Variants in RGS6 observed in about 807,000 individuals in gnomAD.
The protein encoded by RGS6 is regulator of G-protein signaling 6.
A neutral mutation model predicts 78.5 loss-of-function variants in RGS6; 30 were observed. The ratio of observed to expected loss-of-function variants is 0.38; its 90% confidence interval spans 0.29 to 0.52. The LOEUF is 0.52. Ranked by LOEUF, RGS6 falls within the 20% of genes least tolerant of loss-of-function variation. RGS6 has a pLI of 0.85. For synonymous variants in RGS6, 206 were observed against 206.0 expected (o/e 1.00, Z 0.00); for missense variants, 495 against 609.7 (o/e 0.81, Z 1.98).
chr14:72,197,108 C>T (rs1287323835), intron 2 of RGS6, among the ~76,000 whole-genome samples: 1 of 152,088 alleles, frequency 6.6e-6, no homozygotes, highest in Non-Finnish European at 1.5e-5. Context: ...CTCTGTTGCC[C>T]AGGCTGGAGT....
intron 15 of RGS6, among the ~76,000 whole-genome samples, chr14:72,530,344 CAG>C (rs913182351): frequency 6.6e-6 from 1 of 152,186 alleles, no homozygotes; most frequent in Admixed American, 6.5e-5. Context: ...CACAAGGAGA[CAG>C]TGTGTCATTT....
chr14:72,573,597 T>C, the RGS6 span, among the ~76,000 whole-genome samples: 4 of 152,208 alleles, frequency 2.6e-5, no homozygotes, highest in African/African-American at 4.8e-5. Flanking sequence ...GGGGGTCAAA[T>C]TGAAGTCCAG....
the RGS6 span, among the ~76,000 whole-genome samples, chr14:72,607,033 A>G: frequency 6.6e-6 from 1 of 152,132 alleles, no homozygotes; most frequent in African/African-American, 2.4e-5. Flanking sequence ...ATCCTCAGGC[A>G]TATCCTTTAG....
the RGS6 span, among the ~76,000 whole-genome samples, chr14:72,576,070 C>T: frequency 3.9e-5 from 6 of 152,232 alleles, no homozygotes; most frequent in Admixed American, 3.9e-4. Flanking sequence ...AGTCATTAGA[C>T]CCTTCCATAG....
chr14:71,874,358 A>G, the RGS6 span, among the ~76,000 whole-genome samples: 3 of 152,004 alleles, frequency 2.0e-5, no homozygotes, highest in Non-Finnish European at 4.4e-5. Flanking sequence ...GGTCCTTCAC[A>G]TCCCTTGTAA....
In RGS6 at chr14:72,033,056, T is replaced by C. The variant is rs561392929; in HGVS notation, c.84+68181T>C. 2.0e-5 allele frequency among the ~76,000 whole-genome samples: 3 copies of C among 152,306 alleles called. No homozygotes were observed. In the South Asian group the frequency reaches 6.2e-4, roughly 32 times the overall value. ...AAATGCGTTCAATACAACTAACCAA[T>C]TAAGCACAATAGCTTAGCCTAGCCT... On this transcript the variant is annotated intron_variant, in intron 2 of 17. Coordinates refer to ENST00000553525, the MANE Select transcript of RGS6 (RefSeq NM_001204424.2).
At chr14:72,014,734 C>T (rs1036576489) in intron 2 of RGS6, among the ~76,000 whole-genome samples, 1 of 152,172 alleles carries the variant, frequency 6.6e-6, no homozygotes, top group African/African-American at 2.4e-5. Context: ...TGTTAACGTG[C>T]TGTGTTTGTT....
At chr14:71,966,230 G>T (rs1377524679) in intron 2 of RGS6, among the ~76,000 whole-genome samples, 1 of 152,074 alleles carries the variant, frequency 6.6e-6, no homozygotes, top group Non-Finnish European at 1.5e-5. Context: ...ACTTATATGG[G>T]CAATGTGGAA....
chr14:72,197,495 T>G (rs1460975189), intron 2 of RGS6, among the ~76,000 whole-genome samples: 1 of 152,128 alleles, frequency 6.6e-6, no homozygotes, highest in Non-Finnish European at 1.5e-5. Context: ...ACAAGAACAC[T>G]TGGCAAACGA....
chr14:71,986,758 CT>C (rs1341059595), intron 2 of RGS6, among the ~76,000 whole-genome samples: 1 of 152,152 alleles, frequency 6.6e-6, no homozygotes, highest in Non-Finnish European at 1.5e-5. Context: ...TCTTATAATT[CT>C]AGAAATCAGG....
At chr14:72,533,989 A>G (rs953782218) in intron 15 of RGS6, among the ~76,000 whole-genome samples, 12 of 152,266 alleles carry the variant, frequency 7.9e-5, no homozygotes, top group Non-Finnish European at 1.5e-4. Flanking sequence ...ATTGACTGCA[A>G]TTTTGAAAGA....
Position 71,990,927 on chromosome 14 carries a change from G to A in RGS6, c.84+26052G>A, listed in dbSNP as rs768457938. On this transcript the variant is annotated intron_variant, in intron 2 of 17. Transcript: ENST00000553525. ...TAGCATCCTCCACATAGTTGGCATCGGAGGCAGAACCTGAACCTGATTCTC... is the reference window on the plus strand; with the variant it reads ...TAGCATCCTCCACATAGTTGGCATCAGAGGCAGAACCTGAACCTGATTCTC... 2.5e-4 allele frequency: 112 copies of A among 444,062 alleles called. 1 individual carries two copies. Among genetic ancestry groups the A allele is most frequent in the South Asian group, 4.9e-4 (30 of 61,788 alleles). The allele number at this position is 444,062 out of a possible 1,614,324, so 27.5% of individuals were successfully genotyped here.
chr14:71,901,965 G>A, the RGS6 span, among the ~76,000 whole-genome samples: 2 of 152,166 alleles, frequency 1.3e-5, no homozygotes, highest in African/African-American at 4.8e-5. Flanking sequence ...AGGCAAATAA[G>A]GATGGAATAT....
chr14:72,360,246 G>A (rs908335891), intron 3 of RGS6, among the ~76,000 whole-genome samples: 4 of 152,136 alleles, frequency 2.6e-5, no homozygotes, highest in African/African-American at 9.7e-5. Flanking sequence ...AGGCAGCCGG[G>A]CACAGTGGCT....
chr14:72,305,871 A>G (rs1293163540), intron 2 of RGS6, among the ~76,000 whole-genome samples: 3 of 152,250 alleles, frequency 2.0e-5, no homozygotes, highest in Non-Finnish European at 4.4e-5. Context: ...GACAGGCCAA[A>G]AGCTAGACCT....
At chr14:72,529,650 C>T (rs1282524163) in intron 15 of RGS6, among the ~76,000 whole-genome samples, 2 of 152,020 alleles carry the variant, frequency 1.3e-5, no homozygotes, top group Non-Finnish European at 2.9e-5. Flanking sequence ...AAGACCAGAC[C>T]CCCCCCTCCC....
chr14:72,582,386 G>A, the RGS6 span, among the ~76,000 whole-genome samples: 7,180 of 152,134 alleles, frequency 0.047, 609 homozygotes, highest in African/African-American at 0.17. Context: ...CTATTATAAC[G>A]TGAAACAATA....
rs565235636 is a variant in RGS6 at position 72,291,462 on chromosome 14, G to A, written c.85-60633G>A. Among the ~76,000 whole-genome samples, 8 of 152,144 alleles carry A rather than the reference G, an allele frequency of 5.3e-5. 1 individual carries two copies. The East Asian group carries it at 1.2e-3, about 22-fold the overall frequency. On this transcript the variant is annotated intron_variant, in intron 2 of 17. Transcript: ENST00000553525. ...AGCATTGCTGCACATATTTTGTTCT[G>A]TTCTTTATTACACTAGTCCATATGG...
chr14:72,510,074 A>G, intron 13 of RGS6, 80 bp from the exon 14 acceptor site: 3 of 1,463,494 alleles, frequency 2.0e-6, no homozygotes, highest in Non-Finnish European at 2.7e-6. Context: ...TGCAAAACAG[A>G]CTTGAGTCAC....
Sources: gnomAD v4.1 joint callset for allele counts (sites outside exome capture counted in the v4.1 genomes callset) on GRCh38, gnomAD v4.1.1 for gene constraint, MANE v1.5 for transcripts, NCBI Gene and HGNC (gene_info 2026-07-23, HGNC 2026-07-21) for gene names.